TBC1D5: variants seen among roughly 807,000 people sequenced by gnomAD.
TBC1D5 encodes the protein TBC1 domain family member 5.
Under a neutral mutation model 100.3 loss-of-function variants are expected in TBC1D5, and 75 were observed. The observed-to-expected ratio is 0.75, with a 90% CI of 0.62 to 0.91. The LOEUF is 0.91. TBC1D5 is among the 40% of genes least tolerant of loss of function. The probability of loss-of-function intolerance (pLI) is 0.00; values close to 1 mark genes in which losing one functional copy is unlikely to be tolerated. For missense variants in TBC1D5, 910 were observed against 942.4 expected (o/e 0.97, Z 0.45); for synonymous variants, 323 against 325.6 (o/e 0.99, Z 0.09).
chr3:17,375,643 A>C (rs1183692599), intron 10 of TBC1D5, among the ~76,000 whole-genome samples: 1 of 152,154 alleles, frequency 6.6e-6, no homozygotes, highest in East Asian at 1.9e-4. Context: ...AGTGAAAGCA[A>C]GTTATATATG....
intron 2 of TBC1D5, among the ~76,000 whole-genome samples, chr3:17,512,689 C>T (rs9881850): frequency 0.41 from 62,089 of 152,026 alleles, 13,345 homozygotes; most frequent in Middle Eastern, 0.47. Flanking sequence ...AGGCCCTATC[C>T]TTCCTTTGTT....
intron 1 of TBC1D5, 22 bp from the exon 2 acceptor site, chr3:17,623,935 G>A (rs1264034031): frequency 6.6e-5 from 10 of 150,582 alleles, no homozygotes; most frequent in African/African-American, 2.2e-4. Flanking sequence ...AAAAAAAAAA[G>A]GATCTTTAAA....
intron 21 of TBC1D5, among the ~76,000 whole-genome samples, chr3:17,163,371 TC>T (rs2066278406): frequency 1.3e-5 from 2 of 151,804 alleles, no homozygotes; most frequent in Admixed American, 6.6e-5. Context: ...TCTTCTGGAC[TC>T]CCACCTAGAA....
chr3:17,268,960 A>G lies in TBC1D5; in HGVS notation c.1246-10369T>C, dbSNP rs552894589. ...TGTTCGGGGTAGTAGTCAAAACATA[A>G]AACAAGTGGTTTAGTATAGGCAGCT... On this transcript the variant is annotated intron_variant, in intron 15 of 21. Transcript: ENST00000253692. 3.3e-5 allele frequency among the ~76,000 whole-genome samples: 5 copies of G among 152,210 alleles called. 1 individual carries two copies. In the South Asian group the frequency reaches 1.0e-3, roughly 32 times the overall value.
At chr3:17,530,552 A>T (rs2096207768) in intron 2 of TBC1D5, among the ~76,000 whole-genome samples, 1 of 152,220 alleles carries the variant, frequency 6.6e-6, no homozygotes, top group African/African-American at 2.4e-5. Flanking sequence ...CCTGCATATT[A>T]CTGAGTTAGA....
intron 1 of TBC1D5, among the ~76,000 whole-genome samples, chr3:17,728,308 G>A (rs1050523591): frequency 3.3e-5 from 5 of 152,100 alleles, no homozygotes; most frequent in East Asian, 3.8e-4. Context: ...ATAAAAAGGC[G>A]TAAATATTAG....
intron 17 of TBC1D5, among the ~76,000 whole-genome samples, chr3:17,223,661 G>A (rs986663510): frequency 2.0e-5 from 3 of 152,150 alleles, no homozygotes; most frequent in African/African-American, 7.2e-5. Context: ...AGAAGTTCAT[G>A]ACCAGCTTGG....
At chr3:17,528,041 G>A (rs995326445) in intron 2 of TBC1D5, among the ~76,000 whole-genome samples, 5 of 141,832 alleles carry the variant, frequency 3.5e-5, no homozygotes, top group Non-Finnish European at 6.2e-5. Flanking sequence ...CAATGCAACA[G>A]TATTAGGTTT....
At chr3:17,680,932 G>C (rs2069366773) in intron 1 of TBC1D5, among the ~76,000 whole-genome samples, 1 of 151,404 alleles carries the variant, frequency 6.6e-6, no homozygotes, top group South Asian at 2.1e-4. Context: ...AAAGAGATTT[G>C]AAACACTTCC....
chr3:17,392,636 T>TA (rs2093386729), intron 8 of TBC1D5, among the ~76,000 whole-genome samples: 1 of 152,148 alleles, frequency 6.6e-6, no homozygotes, highest in South Asian at 2.1e-4. Context: ...GTTCCTGTGT[T>TA]AGTCTGCTGA....
At chr3:17,661,516 T>G (rs1318826980) in intron 1 of TBC1D5, among the ~76,000 whole-genome samples, 1 of 151,886 alleles carries the variant, frequency 6.6e-6, no homozygotes, top group African/African-American at 2.4e-5. Context: ...TTTTTTTTTT[T>G]TTTTTGATGG....
At chr3:17,288,140 G>C (rs991681177) in intron 15 of TBC1D5, among the ~76,000 whole-genome samples, 1 of 152,164 alleles carries the variant, frequency 6.6e-6, no homozygotes, top group Non-Finnish European at 1.5e-5. Context: ...AGGTGTACTA[G>C]TACCATCTTT....
intron 18 of TBC1D5, among the ~76,000 whole-genome samples, chr3:17,191,948 T>C (rs1035491114): frequency 3.9e-5 from 6 of 152,022 alleles, no homozygotes; most frequent in East Asian, 1.9e-4. Flanking sequence ...AATGTATTTA[T>C]AGGAGAACAT....
intron 21 of TBC1D5, among the ~76,000 whole-genome samples, chr3:17,166,374 T>C (rs537694877): frequency 1.4e-4 from 21 of 152,244 alleles, no homozygotes; most frequent in Non-Finnish European, 2.8e-4. Context: ...TGAAATCCAC[T>C]CGAGACAGCA....
chr3:17,488,950 T>C (rs1471373490), intron 3 of TBC1D5, among the ~76,000 whole-genome samples: 1 of 150,052 alleles, frequency 6.7e-6, no homozygotes, highest in Non-Finnish European at 1.5e-5. Context: ...ATGCTCTGTA[T>C]GAAAATCTAA....
intron 1 of TBC1D5, among the ~76,000 whole-genome samples, chr3:17,675,153 C>G (rs1443035078): frequency 2.0e-5 from 3 of 151,890 alleles, no homozygotes; most frequent in Admixed American, 6.6e-5. Context: ...ACGTTTCTAA[C>G]AAGTAAGCAA....
At chr3:17,658,959 G>A (rs1577286532) in intron 1 of TBC1D5, among the ~76,000 whole-genome samples, 2 of 152,226 alleles carry the variant, frequency 1.3e-5, no homozygotes, top group East Asian at 1.9e-4. Flanking sequence ...CGCCCAGCCA[G>A]TTATGGTTCT....
At chr3:17,627,318 G>A (rs1325356903) in intron 1 of TBC1D5, among the ~76,000 whole-genome samples, 1 of 152,166 alleles carries the variant, frequency 6.6e-6, no homozygotes, top group African/African-American at 2.4e-5. Flanking sequence ...TGAGGGGACA[G>A]AGGGATGGAA....
chr3:17,665,458 G>A (rs148183411), intron 1 of TBC1D5, among the ~76,000 whole-genome samples: 39 of 152,222 alleles, frequency 2.6e-4, no homozygotes, highest in African/African-American at 8.4e-4. Context: ...AGGCAAAAAC[G>A]TACTCTTCCT....
Sources: gnomAD v4.1 joint callset for allele counts (sites outside exome capture counted in the v4.1 genomes callset) on GRCh38, gnomAD v4.1.1 for gene constraint, MANE v1.5 for transcripts, NCBI Gene and HGNC (gene_info 2026-07-23, HGNC 2026-07-21) for gene names.